Variants in GALNTL6 observed in about 807,000 individuals in gnomAD.
GALNTL6 encodes the protein polypeptide N-acetylgalactosaminyltransferase like 6, also known as polypeptide N-acetylgalactosaminyltransferase-like 6.
A neutral mutation model predicts 73.7 loss-of-function variants in GALNTL6; 46 were observed. That is an observed-to-expected ratio of 0.62 (90% confidence interval 0.49 to 0.80). The LOEUF is 0.80. Among genes scored for constraint, GALNTL6 ranks in the 30% least tolerant of loss-of-function variants. The pLI is 0.00. For missense variants in GALNTL6, 604 were observed against 755.0 expected (o/e 0.80, Z 2.34); for synonymous variants, 259 against 263.7 (o/e 0.98, Z 0.17).
chr4:172,326,072 A>G (rs898798092), intron 4 of GALNTL6, among the ~76,000 whole-genome samples: 1 of 152,050 alleles, frequency 6.6e-6, no homozygotes, highest in African/African-American at 2.4e-5. Context: ...CCAAAAACTT[A>G]GAAACCAACA....
At chr4:172,529,649 A>G (rs1460030159) in intron 5 of GALNTL6, among the ~76,000 whole-genome samples, 1 of 150,730 alleles carries the variant, frequency 6.6e-6, no homozygotes. Context: ...GCATAAATGC[A>G]AAGTTGGAGT....
intron 9 of GALNTL6, among the ~76,000 whole-genome samples, chr4:172,949,289 T>C (rs924422488): frequency 6.6e-6 from 1 of 152,202 alleles, no homozygotes; most frequent in Non-Finnish European, 1.5e-5. Flanking sequence ...ATGGCACTTA[T>C]GGTCTGAAAG....
chr4:172,634,054 A>G (rs1645203072), intron 5 of GALNTL6, among the ~76,000 whole-genome samples: 1 of 152,154 alleles, frequency 6.6e-6, no homozygotes, highest in Non-Finnish European at 1.5e-5. Context: ...AAACTTCATA[A>G]CTTATCTAAT....
intron 5 of GALNTL6, among the ~76,000 whole-genome samples, chr4:172,434,933 G>A (rs531610167): frequency 3.3e-5 from 5 of 151,898 alleles, no homozygotes; most frequent in African/African-American, 9.7e-5. Context: ...CATCTTTTAA[G>A]CATTAAGTAT....
chr4:172,979,364 A>C (rs1399669887), intron 10 of GALNTL6, among the ~76,000 whole-genome samples: 1 of 152,236 alleles, frequency 6.6e-6, no homozygotes, highest in East Asian at 1.9e-4. Flanking sequence ...CCTTCCCTAA[A>C]GGTCCAATTT....
chr4:172,118,427 CA>C (rs1408808975), intron 2 of GALNTL6, among the ~76,000 whole-genome samples: 1 of 152,026 alleles, frequency 6.6e-6, no homozygotes, highest in Non-Finnish European at 1.5e-5. Flanking sequence ...GGGCCCGGTG[CA>C]GTGGCTCACA....
intron 7 of GALNTL6, among the ~76,000 whole-genome samples, chr4:172,878,344 C>A (rs926185092): frequency 6.6e-6 from 1 of 151,870 alleles, no homozygotes; most frequent in Non-Finnish European, 1.5e-5. Flanking sequence ...AATATAATTT[C>A]ATCTATATAA....
intron 5 of GALNTL6, among the ~76,000 whole-genome samples, chr4:172,712,495 A>G (rs533057246): frequency 1.3e-5 from 2 of 152,142 alleles, no homozygotes; most frequent in East Asian, 3.9e-4. Context: ...TTGATTTACC[A>G]TTCTTTTTAC....
Position 172,638,197 on chromosome 4 carries a change from T to C in GALNTL6, c.554-171164T>C, listed in dbSNP as rs182111541. Among the ~76,000 whole-genome samples, 1,190 of 152,202 alleles carry C rather than the reference T, an allele frequency of 7.8e-3. 22 individuals are homozygous for C. Among genetic ancestry groups the C allele is most frequent in the Middle Eastern group, 6.8e-3 (2 of 294 alleles). On this transcript the variant is annotated intron_variant, in intron 5 of 12. Transcript: ENST00000506823. ...ACTCAGTGTATCCTTGACATGACTT[T>C]GTAAGATCTCAAAAATACCTATGGC...
At chr4:172,556,067 A>G (rs1057041180) in intron 5 of GALNTL6, among the ~76,000 whole-genome samples, 1 of 152,136 alleles carries the variant, frequency 6.6e-6, no homozygotes, top group African/African-American at 2.4e-5. Context: ...ATTAGGTTCC[A>G]TTCCATGATT....
At chr4:172,957,813 G>T (rs550355945) in intron 10 of GALNTL6, among the ~76,000 whole-genome samples, 109 of 152,218 alleles carry the variant, frequency 7.2e-4, no homozygotes, top group African/African-American at 2.3e-3. Context: ...GGTAGTGGAG[G>T]GGGGCAGAGC....
rs778706051 is a variant in GALNTL6, at chr4:172,834,525, C to T, written c.923+20802C>T. On this transcript the variant is annotated intron_variant, in intron 7 of 12. Coordinates refer to ENST00000506823, the MANE Select transcript of GALNTL6 (RefSeq NM_001034845.3). ...TGCAATGTCTTTGAAGGACTGTGCCCGAGAGAACTGCCTGCCAAGGAAAGA... is the reference window on the plus strand; with the variant it reads ...TGCAATGTCTTTGAAGGACTGTGCCTGAGAGAACTGCCTGCCAAGGAAAGA... Among the ~76,000 whole-genome samples, 40 of 152,274 alleles carry T rather than the reference C, an allele frequency of 2.6e-4. 1 individual carries two copies. The highest frequency in any genetic ancestry group is 2.3e-3 in the Admixed American group (35 of 15,302).
chr4:172,131,406 A>AATATATATATATATATATATATATATAT (rs772791571), intron 2 of GALNTL6, among the ~76,000 whole-genome samples: 2 of 137,592 alleles, frequency 1.5e-5, no homozygotes, highest in African/African-American at 5.6e-5. Context: ...ATGCCTTTAA[A>AATATATATATATATATATATATATATAT]ATATATATAT....
At chr4:172,940,752 C>A (rs889912036) in intron 9 of GALNTL6, among the ~76,000 whole-genome samples, 7 of 152,104 alleles carry the variant, frequency 4.6e-5, no homozygotes, top group African/African-American at 1.4e-4. Flanking sequence ...GTGCTCACTG[C>A]AACCTGGAAC....
chr4:173,028,556 G>C (rs72708775), intron 12 of GALNTL6, among the ~76,000 whole-genome samples: 3,556 of 151,708 alleles, frequency 0.023, 71 homozygotes, highest in Non-Finnish European at 0.032. Context: ...CCTCACCCCC[G>C]CCAACTACCT....
At chr4:172,388,018 T>C (rs1401968429) in intron 5 of GALNTL6, among the ~76,000 whole-genome samples, 4 of 152,196 alleles carry the variant, frequency 2.6e-5, no homozygotes, top group Admixed American at 2.6e-4. Flanking sequence ...TCACAAAGTA[T>C]AGTTACTCAC....
chr4:172,971,293 A>G (rs1750569450), intron 10 of GALNTL6, among the ~76,000 whole-genome samples: 1 of 152,224 alleles, frequency 6.6e-6, no homozygotes, highest in Non-Finnish European at 1.5e-5. Flanking sequence ...TTATAGCCGC[A>G]CAAAACAGAC....
intron 2 of GALNTL6, among the ~76,000 whole-genome samples, chr4:172,033,314 A>G (rs1011118467): frequency 3.9e-5 from 6 of 152,112 alleles, no homozygotes; most frequent in Non-Finnish European, 8.8e-5. Flanking sequence ...TATATTCTAT[A>G]AATATAAATA....
intron 7 of GALNTL6, among the ~76,000 whole-genome samples, chr4:172,830,534 C>G (rs1742569145): frequency 6.6e-6 from 1 of 152,126 alleles, no homozygotes; most frequent in Non-Finnish European, 1.5e-5. Context: ...GGCTTTAACT[C>G]CTAAATTAAA....
Sources: gnomAD v4.1 joint callset for allele counts (sites outside exome capture counted in the v4.1 genomes callset) on GRCh38, gnomAD v4.1.1 for gene constraint, MANE v1.5 for transcripts, NCBI Gene and HGNC (gene_info 2026-07-23, HGNC 2026-07-21) for gene names.